Variants in LGI2 observed in about 807,000 individuals in gnomAD.
LGI2 encodes the protein leucine rich repeat LGI family member 2.
Under a neutral mutation model 52.0 loss-of-function variants are expected in LGI2, and 30 were observed. The ratio of observed to expected loss-of-function variants is 0.58; its 90% CI spans 0.43 to 0.78. The LOEUF (loss-of-function observed/expected upper bound fraction) is 0.78. LGI2 is among the 30% of genes least tolerant of loss of function. The pLI is 0.00. For missense variants in LGI2, 573 were observed against 692.5 expected, an observed-to-expected ratio of 0.83 and a Z score of 1.94; for synonymous variants, 270 against 271.8, an observed-to-expected ratio of 0.99 and a Z score of 0.06.
At position 25,004,700 on chromosome 4, in the gene LGI2, G is replaced by A. The variant is rs1360733442; in HGVS notation, c.821-432C>T. Among the ~76,000 whole-genome samples the A allele has an allele frequency of 1.3e-5, 2 of 152,176 alleles. No individual in the cohort carries two copies. The highest frequency in any genetic ancestry group is 1.5e-5 in the Non-Finnish European group (1 of 68,048). ...ACACAGCAAAGAGGTGGCCAGCTAT[G>A]CAGTGGGTTCTTGCCACATACCAAA... On this transcript the variant is annotated intron_variant, in intron 7 of 7. Coordinates refer to ENST00000382114, the MANE Select transcript of LGI2 (RefSeq NM_018176.4). This position sits in a 1 kb window ranked among gnomAD's most constrained non-coding sequence, Gnocchi z 4.6.
chr4:25,007,003 C>CT lies in LGI2; in HGVS notation c.821-2736dup, dbSNP rs548126980. Among the ~76,000 whole-genome samples the CT allele has an allele frequency of 4.6e-4, 69 of 149,692 alleles. No homozygotes were observed. In the Middle Eastern group the frequency reaches 0.014, roughly 30 times the overall value. ...TAATCTGTGCACATATTCAAGTATT[C>CT]TTTTTTTAAAAAACTGGGGTTTACG... On this transcript the variant is annotated intron_variant, in intron 7 of 7. Transcript: ENST00000382114.
At chr4:25,026,723 A>C (rs901809318) in intron 3 of LGI2, 145 bp downstream of exon 3, 31 of 658,216 alleles carry the variant, frequency 4.7e-5, no homozygotes, top group African/African-American at 3.8e-4. Flanking sequence ...AAACTATAAA[A>C]GGTCAGTGCT....
At chr4:24,993,372 C>T in the LGI2 span, among the ~76,000 whole-genome samples, 47 of 152,274 alleles carry the variant, frequency 3.1e-4, no homozygotes, top group African/African-American at 1.1e-3. Flanking sequence ...ATGAAAGTGG[C>T]TGCTTTGTGA....
rs979029962 is a variant in LGI2, at chr4:25,017,133, A to T, written c.655+856T>A. Among the ~76,000 whole-genome samples the T allele has an allele frequency of 2.6e-5, 4 of 152,118 alleles. No individual in the cohort carries two copies. The South Asian group carries it at 8.3e-4, about 31-fold the overall frequency. On this transcript the variant is annotated intron_variant, in intron 6 of 7. Transcript: ENST00000382114. ...TTCTTTACATTTTTCCCTCGATATG[A>T]GCTGTTTCCTTTTGATAACTAGTTG...
chr4:25,016,707 G>A (rs1224438362), intron 6 of LGI2, among the ~76,000 whole-genome samples: 1 of 152,140 alleles, frequency 6.6e-6, no homozygotes, highest in Non-Finnish European at 1.5e-5. Context: ...TTACTTTCTG[G>A]GTTTTTGTTT....
At chr4:25,007,578 AGTGTGTGTGTGTGTGTGT>A (rs3066687) in intron 7 of LGI2, among the ~76,000 whole-genome samples, 62 of 142,256 alleles carry the variant, frequency 4.4e-4, no homozygotes, top group East Asian at 1.4e-3. Flanking sequence ...CAGACAGATC[AGTGTGTGTGTGTGTGTGT>A]GTGTGTGTGT....
chr4:25,010,364 TGA>T (rs1277617285), intron 7 of LGI2, among the ~76,000 whole-genome samples: 6 of 152,174 alleles, frequency 3.9e-5, no homozygotes, highest in Non-Finnish European at 8.8e-5. Context: ...GGTACAACCA[TGA>T]GAAACCCTGG....
Position 25,003,749 on chromosome 4 carries a change from C to G in LGI2, c.1340G>C (p.Arg447Thr). The change falls in exon 8 of 8, where the codon AGG becomes ACG. Residue 447 changes from arginine (R) to threonine (T), a missense_variant. Physicochemically the swap from Arg to Thr is moderately conservative, Grantham distance 71. Coordinates refer to ENST00000382114, the MANE Select transcript of LGI2 (RefSeq NM_018176.4). The stretch of plus-strand genomic sequence containing the variant: ...CTCCACAAACTGCTTACTGTTCCAC[C>G]TCATGACCCGGGAGTCCCCGATGAA... ...TRFIGDSRVM[R>T]WNSKQFVEIQ... The G allele has an allele frequency of 6.2e-7, 1 of 1,614,192 alleles. No individual in the cohort carries two copies. The highest frequency in any genetic ancestry group is 8.5e-7 in the Non-Finnish European group (1 of 1,180,048).
At position 25,028,540 on chromosome 4, in the gene LGI2, C is replaced by T. The variant is rs139692298; in HGVS notation, c.236G>A (p.Arg79Gln). The T allele has an allele frequency of 6.2e-6, 10 of 1,613,364 alleles. No homozygotes were observed. The highest frequency in any genetic ancestry group is 4.0e-5 in the African/African-American group (3 of 75,020). The change falls in exon 2 of 8, where the codon CGA becomes CAA. Residue 79 changes from arginine to glutamine, a missense_variant. Coordinates refer to ENST00000382114, the MANE Select transcript of LGI2 (RefSeq NM_018176.4). ...CAGAGAAGGCAGATGGGAAAACATT[C>T]GGTCCTTGATTTCTGAAAACGTCCC... is the stretch of plus-strand genomic sequence containing the variant. ...VNGTFSEIKD[R>Q]MFSHLPSLQL...
rs1725353584 is a variant in LGI2 at position 25,004,914 on chromosome 4, T to TA, written c.821-647dup. Reference sequence around the variant, plus strand: ...CAAGTTGCTTCAATGGACAAATAGATAGACAAAATGTGGCATATACATAAA... The same window carrying TA: ...CAAGTTGCTTCAATGGACAAATAGATAAGACAAAATGTGGCATATACATAAA... On this transcript the variant is annotated intron_variant, in intron 7 of 7. Coordinates refer to ENST00000382114, the MANE Select transcript of LGI2 (RefSeq NM_018176.4). This position sits in a 1 kb window ranked among gnomAD's most constrained non-coding sequence, Gnocchi z 4.6. Among the ~76,000 whole-genome samples the TA allele has an allele frequency of 6.6e-6, 1 of 152,128 alleles. No individual in the cohort carries two copies. The highest frequency in any genetic ancestry group is 6.5e-5 in the Admixed American group (1 of 15,276).
At chr4:25,007,655 C>T (rs535265996) in intron 7 of LGI2, among the ~76,000 whole-genome samples, 18 of 150,764 alleles carry the variant, frequency 1.2e-4, no homozygotes, top group African/African-American at 4.1e-4. Flanking sequence ...TTGGAACATA[C>T]TTAGCCTGCA....
chr4:24,999,917 A>G lies in LGI2; in HGVS notation c.*3534T>C. 2.2e-6 allele frequency: 1 copy of G among 455,176 alleles called. No homozygotes were observed. Among genetic ancestry groups the G allele is most frequent in the Non-Finnish European group, 4.4e-6 (1 of 226,466 alleles). 28.2% of individuals were successfully genotyped at this position (455,176 alleles called of 1,614,324 possible). A position where few individuals can be genotyped will look rare whatever the true frequency, so the allele number is the denominator to read the frequency against. On this transcript the variant is annotated 3_prime_UTR_variant, in exon 8 of 8. Coordinates refer to ENST00000382114, the MANE Select transcript of LGI2 (RefSeq NM_018176.4). Reference sequence around the variant, plus strand: ...TCTCTTCTTGTTTATCTGGTGGACAATGTGACAAGAACCAGATGTGTCTCA... The same window carrying G: ...TCTCTTCTTGTTTATCTGGTGGACAGTGTGACAAGAACCAGATGTGTCTCA...
At chr4:25,017,541 C>CA (rs66740392) in intron 6 of LGI2, among the ~76,000 whole-genome samples, 581 of 53,176 alleles carry the variant, frequency 0.011, 31 homozygotes, top group African/African-American at 0.026. Context: ...GACTCTGCCT[C>CA]AAAAAAAAAA....
chr4:25,013,475 T>A (rs1343309685), intron 6 of LGI2, among the ~76,000 whole-genome samples: 1 of 152,094 alleles, frequency 6.6e-6, no homozygotes. Flanking sequence ...GAGCAGAACA[T>A]CCTGGTGAAG....
At chr4:24,993,360 AT>A in the LGI2 span, among the ~76,000 whole-genome samples, 1 of 152,112 alleles carries the variant, frequency 6.6e-6, no homozygotes, top group Non-Finnish European at 1.5e-5. Flanking sequence ...TAAAATGGGG[AT>A]ATGAAAGTGG....
chr4:25,017,931 A>G, intron 6 of LGI2, 58 bp downstream of exon 6: 1 of 1,450,562 alleles, frequency 6.9e-7, no homozygotes, highest in Non-Finnish European at 9.2e-7. Context: ...GACAGTGTAA[A>G]AGAAAGACAA....
At chr4:25,009,073 G>A (rs1010938940) in intron 7 of LGI2, among the ~76,000 whole-genome samples, 3 of 152,150 alleles carry the variant, frequency 2.0e-5, no homozygotes, top group Non-Finnish European at 4.4e-5. Context: ...CCGGTAGCTG[G>A]ACACAATCCA....
At chr4:24,992,635 A>G in the LGI2 span, among the ~76,000 whole-genome samples, 1 of 152,212 alleles carries the variant, frequency 6.6e-6, no homozygotes, top group Admixed American at 6.5e-5. Flanking sequence ...GTGAGCCAAG[A>G]TCGTGCCATT....
intron 1 of LGI2, among the ~76,000 whole-genome samples, chr4:25,029,373 T>C (rs1357767938): frequency 6.6e-6 from 1 of 152,186 alleles, no homozygotes; most frequent in Non-Finnish European, 1.5e-5. Context: ...TTTCTATAAA[T>C]GCAAATGGGA....
Sources: allele counts gnomAD v4.1 joint callset (sites outside exome capture counted in the v4.1 genomes callset), GRCh38; gene constraint gnomAD v4.1.1; non-coding constraint Gnocchi (gnomAD v3.1); transcripts MANE v1.5; gene names NCBI Gene and HGNC (gene_info 2026-07-23, HGNC 2026-07-21).